KHDRBS2: variants seen among roughly 807,000 people sequenced by gnomAD.
KHDRBS2 encodes KH RNA binding domain containing, signal transduction associated 2, also known as KH domain-containing, RNA-binding, signal transduction-associated protein 2.
A neutral mutation model predicts 44.3 loss-of-function variants in KHDRBS2; 26 were observed. That is an observed-to-expected ratio of 0.59 (90% confidence interval 0.43 to 0.81). The LOEUF (loss-of-function observed/expected upper bound fraction) is 0.81. Ranked by LOEUF, KHDRBS2 falls within the 40% of genes least tolerant of loss-of-function variation. KHDRBS2 has a pLI of 0.00. For synonymous variants in KHDRBS2, 194 were observed against 151.1 expected, an observed-to-expected ratio of 1.28 and a Z score of -2.08; for missense variants, 476 against 433.1, an observed-to-expected ratio of 1.10 and a Z score of -0.88.
chr6:62,144,172 AC>A (rs1813443797), intron 2 of KHDRBS2, among the ~76,000 whole-genome samples: 1 of 151,896 alleles, frequency 6.6e-6, no homozygotes. Flanking sequence ...ATTAGTGAAA[AC>A]CTCTTAATAA....
chr6:61,874,083 A>T (rs978770649), intron 6 of KHDRBS2, among the ~76,000 whole-genome samples: 2 of 152,118 alleles, frequency 1.3e-5, no homozygotes, highest in East Asian at 3.8e-4. Context: ...CTGTTTAGCT[A>T]ATGGGATTAA....
rs189827764 is a variant in KHDRBS2 at position 62,193,040 on chromosome 6, T to A, written c.92-15728A>T. Among the ~76,000 whole-genome samples, 4 of 152,202 alleles carry A rather than the reference T, an allele frequency of 2.6e-5. No homozygotes were observed. In the East Asian group the frequency reaches 7.7e-4, roughly 29 times the overall value. On this transcript the variant is annotated intron_variant, in intron 1 of 8. Transcript: ENST00000281156. ...AATTGGAAGGCCATCTCCCTTAGCA[T>A]CAATATTTTGGCTGAATATAATAAA... is the stretch of plus-strand genomic sequence containing the variant.
At chr6:62,158,778 T>G (rs1339995914) in intron 2 of KHDRBS2, among the ~76,000 whole-genome samples, 1 of 152,134 alleles carries the variant, frequency 6.6e-6, no homozygotes, top group East Asian at 1.9e-4. Context: ...TCTCTTTCTT[T>G]GCTCCATGTT....
chr6:62,229,107 A>G (rs1246591981), intron 1 of KHDRBS2, among the ~76,000 whole-genome samples: 1 of 152,090 alleles, frequency 6.6e-6, no homozygotes, highest in Admixed American at 6.5e-5. Flanking sequence ...TAGCAGGAGG[A>G]AAGTCTAAGT....
intron 4 of KHDRBS2, among the ~76,000 whole-genome samples, chr6:61,941,318 T>C (rs1038378634): frequency 6.6e-6 from 1 of 152,078 alleles, no homozygotes; most frequent in African/African-American, 2.4e-5. Context: ...GCACTCAGAA[T>C]TCAGAGGGCT....
At chr6:62,127,375 T>A (rs1316355799) in intron 2 of KHDRBS2, among the ~76,000 whole-genome samples, 2 of 152,042 alleles carry the variant, frequency 1.3e-5, no homozygotes, top group African/African-American at 4.8e-5. Context: ...CTCTTAAACA[T>A]AAGAGTGAAA....
Position 61,842,905 on chromosome 6 carries a change from A to T in KHDRBS2, c.810+51730T>A, listed in dbSNP as rs551855909. Among the ~76,000 whole-genome samples the T allele has an allele frequency of 3.9e-5, 6 of 152,308 alleles. 1 individual carries two copies. Among genetic ancestry groups the T allele is most frequent in the African/African-American group, 1.2e-4 (5 of 41,574 alleles). ...ATCTATAACTTATCTCTATAGATAC[A>T]TATAATCTATACAGATAAACTATCT... On this transcript the variant is annotated intron_variant, in intron 6 of 8. Coordinates refer to ENST00000281156, the MANE Select transcript of KHDRBS2 (RefSeq NM_152688.4).
intron 6 of KHDRBS2, chr6:61,817,091 A>C (rs1789080234): frequency 2.5e-6 from 1 of 392,616 alleles, no homozygotes; most frequent in Non-Finnish European, 5.2e-6. Context: ...TCCACAAAGC[A>C]ATCACATTTC....
chr6:61,774,709 G>A (rs1781639294), intron 6 of KHDRBS2, among the ~76,000 whole-genome samples: 2 of 152,104 alleles, frequency 1.3e-5, no homozygotes, highest in African/African-American at 2.4e-5. Flanking sequence ...TTCTCCCAGA[G>A]GTACAAAGAG....
chr6:61,985,134 A>G (rs1403980265), intron 3 of KHDRBS2, among the ~76,000 whole-genome samples: 4 of 152,206 alleles, frequency 2.6e-5, no homozygotes, highest in Admixed American at 6.5e-5. Context: ...AGGAGAATCA[A>G]TAGCTGTATA....
At chr6:61,773,399 G>A (rs1781337835) in intron 6 of KHDRBS2, among the ~76,000 whole-genome samples, 1 of 152,036 alleles carries the variant, frequency 6.6e-6, no homozygotes, top group African/African-American at 2.4e-5. Flanking sequence ...CAGTGATGAT[G>A]AGCATTTTTT....
At chr6:61,989,343 C>T (rs973208808) in intron 3 of KHDRBS2, among the ~76,000 whole-genome samples, 1 of 152,130 alleles carries the variant, frequency 6.6e-6, no homozygotes, top group African/African-American at 2.4e-5. Flanking sequence ...ATGTCTTGTT[C>T]CAAGTTGCAA....
chr6:62,052,228 C>T (rs1300749780), intron 2 of KHDRBS2, among the ~76,000 whole-genome samples: 3 of 151,840 alleles, frequency 2.0e-5, no homozygotes, highest in Non-Finnish European at 1.5e-5. Flanking sequence ...GATATGGAAA[C>T]AATCTAAGTG....
chr6:61,548,243 G>T, the KHDRBS2 span, among the ~76,000 whole-genome samples: 1 of 152,024 alleles, frequency 6.6e-6, no homozygotes, highest in African/African-American at 2.4e-5. Flanking sequence ...TAAGGAACAA[G>T]CCAAAACATG....
At chr6:62,160,142 C>A (rs931662647) in intron 2 of KHDRBS2, among the ~76,000 whole-genome samples, 2 of 151,946 alleles carry the variant, frequency 1.3e-5, no homozygotes, top group African/African-American at 4.8e-5. Flanking sequence ...ATGAGGAGAC[C>A]ATAATATAAC....
intron 1 of KHDRBS2, among the ~76,000 whole-genome samples, chr6:62,251,757 C>A (rs1836573487): frequency 6.6e-6 from 1 of 151,840 alleles, no homozygotes; most frequent in African/African-American, 2.4e-5. Context: ...TGTAATCACA[C>A]AATATGGAAA....
chr6:61,581,526 G>C, the KHDRBS2 span, among the ~76,000 whole-genome samples: 91,236 of 147,768 alleles, frequency 0.62, 28,357 homozygotes, highest in Non-Finnish European at 0.65. Context: ...ATATAATATA[G>C]ATTATAATAT....
intron 2 of KHDRBS2, among the ~76,000 whole-genome samples, chr6:62,105,315 A>G (rs1383829880): frequency 6.6e-6 from 1 of 152,174 alleles, no homozygotes; most frequent in Non-Finnish European, 1.5e-5. Flanking sequence ...GAAAAAGAAA[A>G]TTCACACAAA....
At chr6:61,939,978 C>T (rs966986807) in intron 4 of KHDRBS2, among the ~76,000 whole-genome samples, 1 of 151,898 alleles carries the variant, frequency 6.6e-6, no homozygotes, top group African/African-American at 2.4e-5. Context: ...TTTTTCTAAA[C>T]CCATATTATT....
Sources: gnomAD v4.1 joint callset for allele counts (sites outside exome capture counted in the v4.1 genomes callset) on GRCh38, gnomAD v4.1.1 for gene constraint, MANE v1.5 for transcripts, NCBI Gene and HGNC (gene_info 2026-07-23, HGNC 2026-07-21) for gene names.